Variants in SLC3A1 observed in about 807,000 individuals in gnomAD.
SLC3A1 encodes the protein amino acid transporter heavy chain SLC3A1.
SLC3A1 carries 78 observed loss-of-function variants against 60.3 expected under a neutral mutation model. That is an observed-to-expected ratio of 1.29 (90% CI 1.08 to 1.56). The LOEUF (loss-of-function observed/expected upper bound fraction) is 1.56, where lower values mean the gene tolerates loss of function less well. Ranked by LOEUF, SLC3A1 falls within the 40% of genes most tolerant of loss-of-function variation. The pLI, the probability that SLC3A1 is intolerant of heterozygous loss-of-function variation, is 0.00. For synonymous variants in SLC3A1, 392 were observed against 307.9 expected (o/e 1.27, Z -2.86); for missense variants, 1,172 against 858.9 (o/e 1.36, Z -4.56).
intron 6 of SLC3A1, among the ~76,000 whole-genome samples, chr2:44,301,899 G>A (rs777097511): frequency 3.3e-5 from 5 of 151,246 alleles, no homozygotes; most frequent in Non-Finnish European, 7.4e-5. Context: ...TCCTCTACTA[G>A]AACTACAAAA....
chr2:44,292,201 C>T (rs527465360), intron 4 of SLC3A1, among the ~76,000 whole-genome samples: 9 of 152,104 alleles, frequency 5.9e-5, no homozygotes, highest in East Asian at 3.9e-4. Context: ...GAATGCTGAG[C>T]CCCAGGGTAG....
intron 4 of SLC3A1, among the ~76,000 whole-genome samples, chr2:44,294,787 C>A: frequency 6.6e-6 from 1 of 152,164 alleles, no homozygotes; most frequent in East Asian, 1.9e-4. Context: ...CTTTCTCTTG[C>A]CTCTAAGTAG....
chr2:44,286,935 T>C (rs1298365660), intron 4 of SLC3A1, among the ~76,000 whole-genome samples: 1 of 152,208 alleles, frequency 6.6e-6, no homozygotes, highest in East Asian at 1.9e-4. Context: ...TTGATGGTTA[T>C]TTGGCTTTCA....
In SLC3A1 at chr2:44,314,115, C is replaced by T; in HGVS notation, c.1617+164C>T. ...ATTTGTAAGGAGTTTGTAAATCATG[C>T]CTTTGTGAAAATACAAACTGGTACA... On this transcript the variant is annotated intron_variant, in intron 9 of 9. Transcript: ENST00000260649. 8.0e-6 allele frequency: 12 copies of T among 1,498,012 alleles called. No individual in the cohort carries two copies. The South Asian group carries it at 1.4e-4, about 17-fold the overall frequency. The allele number at this position is 1,498,012 out of a possible 1,614,324, so 92.8% of individuals were successfully genotyped here.
At chr2:44,320,099 G>A (rs1328552710) in intron 9 of SLC3A1, 100 bp from the exon 10 acceptor site, 2 of 1,044,908 alleles carry the variant, frequency 1.9e-6, no homozygotes, top group South Asian at 3.0e-5. Context: ...CAAAATTGGA[G>A]CAAGTGTTTT....
chr2:44,280,036 G>T (rs924732948), intron 1 of SLC3A1, among the ~76,000 whole-genome samples: 1 of 152,094 alleles, frequency 6.6e-6, no homozygotes, highest in African/African-American at 2.4e-5. Flanking sequence ...CCACATGACC[G>T]ACAGGGGCCA....
chr2:44,291,199 G>C (rs76273402), intron 4 of SLC3A1, among the ~76,000 whole-genome samples: 3,920 of 152,216 alleles, frequency 0.026, 173 homozygotes, highest in African/African-American at 0.089. Flanking sequence ...GCACAGATTT[G>C]TCAAGGAGGT....
At chr2:44,296,554 A>T (rs1484877329) in intron 4 of SLC3A1, among the ~76,000 whole-genome samples, 1 of 152,206 alleles carries the variant, frequency 6.6e-6, no homozygotes. Context: ...TATTCACCCC[A>T]GAACTTGCTC....
intron 7 of SLC3A1, among the ~76,000 whole-genome samples, chr2:44,305,594 A>C: frequency 6.6e-6 from 1 of 151,432 alleles, no homozygotes; most frequent in Admixed American, 6.6e-5. Context: ...TGCCTGGCTA[A>C]TTTTTTTATT....
chr2:44,281,332 T>C (rs1671495029), intron 2 of SLC3A1, 55 bp from the exon 3 acceptor site: 1 of 1,482,360 alleles, frequency 6.7e-7, no homozygotes, highest in African/African-American at 1.4e-5. Context: ...TGGCCTGTCA[T>C]ATGTTATTCT....
rs1446882241 is a variant in SLC3A1, at chr2:44,301,000, A to G, written c.1012-3A>G. On this transcript the variant is annotated splice_region_variant and splice_polypyrimidine_tract_variant and intron_variant, in intron 5 of 9. Transcript: ENST00000260649. ...GGTAACCATGTCGTCCTGGTTTTCA[A>G]AGGACACGGTCACACAATACTCGGA... 1.2e-6 allele frequency: 2 copies of G among 1,613,970 alleles called. No individual in the cohort carries two copies. The highest frequency in any genetic ancestry group is 1.1e-5 in the South Asian group (1 of 91,066).
rs12621031 is a variant in SLC3A1, at chr2:44,308,177, T to A, written c.1332+3839T>A. ...AACAAAAAAAAGAAAATCAGTTGAT[T>A]AGATTTCCAGACTCTCAGTTCTGTT... On this transcript the variant is annotated intron_variant, in intron 7 of 9. Coordinates refer to ENST00000260649, the MANE Select transcript of SLC3A1 (RefSeq NM_000341.4). Among the ~76,000 whole-genome samples, 76 of 152,312 alleles carry A rather than the reference T, an allele frequency of 5.0e-4. 1 individual carries two copies. The East Asian group carries it at 0.013, about 26-fold the overall frequency.
Position 44,320,275 on chromosome 2 carries a change from T to A in SLC3A1, c.1694T>A (p.Leu565His). 1.2e-6 allele frequency: 2 copies of A among 1,614,098 alleles called. No individual in the cohort carries two copies. The highest frequency in any genetic ancestry group is 2.7e-5 in the African/African-American group (2 of 75,048). The part of the protein sequence containing the change: ...LSLLHANELL[L>H]NRGWFCHLRN... ...CTACTTCATGCCAATGAGCTACTCCTCAACAGGGGCTGGTTTTGCCATTTG... is the reference window on the plus strand; with the variant it reads ...CTACTTCATGCCAATGAGCTACTCCACAACAGGGGCTGGTTTTGCCATTTG... The change falls in exon 10 of 10, where the codon CTC (leucine) becomes CAC (histidine). Residue 565 changes from leucine to histidine, a missense_variant. By Grantham distance (99) the Leu-to-His change is moderately conservative (BLOSUM62 -3). Transcript: ENST00000260649.
intron 1 of SLC3A1, among the ~76,000 whole-genome samples, chr2:44,277,794 C>T (rs1572787873): frequency 6.6e-6 from 1 of 152,180 alleles, no homozygotes; most frequent in African/African-American, 2.4e-5. Flanking sequence ...GGTTTCTAAT[C>T]AGCTCTGATG....
chr2:44,313,807 GT>G, intron 8 of SLC3A1, 27 bp from the exon 9 acceptor site: 1 of 1,543,356 alleles, frequency 6.5e-7, no homozygotes, highest in Non-Finnish European at 9.0e-7. Flanking sequence ...CCAAACCACT[GT>G]TTTCCCTTTC....
rs557719181 is a variant in SLC3A1, at chr2:44,309,112, G to A, written c.1333-3474G>A. 7.9e-5 allele frequency among the ~76,000 whole-genome samples: 12 copies of A among 152,226 alleles called. No individual in the cohort carries two copies. In the South Asian group the frequency reaches 2.5e-3, roughly 32 times the overall value. On this transcript the variant is annotated intron_variant, in intron 7 of 9. Transcript: ENST00000260649. The stretch of plus-strand genomic sequence containing the variant: ...AACATTCAAAAGTGTGTAATTCAAT[G>A]CATTAAATACATTCAAAATGTTGTA...
chr2:44,289,780 ACCACCATGC>A (rs1358829738), intron 4 of SLC3A1, among the ~76,000 whole-genome samples: 1 of 151,854 alleles, frequency 6.6e-6, no homozygotes, highest in Non-Finnish European at 1.5e-5. Flanking sequence ...ATAGGTGCGC[ACCACCATGC>A]CCAGCTAATT....
intron 9 of SLC3A1, chr2:44,319,007 G>GT (rs1672688552): frequency 6.6e-6 from 1 of 152,110 alleles, no homozygotes; most frequent in Non-Finnish European, 1.5e-5. Flanking sequence ...AACACTTACC[G>GT]GGCACTTCTT....
chr2:44,317,266 C>T (rs1026968012), intron 9 of SLC3A1, among the ~76,000 whole-genome samples: 3 of 151,998 alleles, frequency 2.0e-5, no homozygotes, highest in South Asian at 2.1e-4. Flanking sequence ...AGTTTGAGAC[C>T]AGCCTAGGCA....
Sources: allele counts gnomAD v4.1 joint callset (sites outside exome capture counted in the v4.1 genomes callset), GRCh38; gene constraint gnomAD v4.1.1; transcripts MANE v1.5; gene names NCBI Gene and HGNC (gene_info 2026-07-23, HGNC 2026-07-21).